The following LRRC27 variants were observed in gnomAD, a reference collection of about 807,000 sequenced individuals.
LRRC27 encodes leucine-rich repeat-containing protein 27.
A neutral mutation model predicts 55.0 loss-of-function variants in LRRC27; 57 were observed. The ratio of observed to expected loss-of-function variants is 1.04; its 90% CI spans 0.84 to 1.29. LRRC27 has a LOEUF of 1.29. LRRC27 is among the 50% of genes most tolerant of loss of function. The probability of loss-of-function intolerance (pLI) is 0.00; values close to 1 mark genes in which losing one functional copy is unlikely to be tolerated. For missense variants in LRRC27, 721 were observed against 651.5 expected, an observed-to-expected ratio of 1.11 and a Z score of -1.16; for synonymous variants, 278 against 251.9, an observed-to-expected ratio of 1.10 and a Z score of -0.98.
intron 7 of LRRC27, among the ~76,000 whole-genome samples, chr10:132,355,064 G>C (rs72863805): frequency 6.6e-6 from 1 of 152,156 alleles, no homozygotes; most frequent in Non-Finnish European, 1.5e-5. Context: ...GCCCGAAGAC[G>C]CCTGTTCTTG....
At chr10:132,373,519 G>C (rs2069264922) in intron 10 of LRRC27, among the ~76,000 whole-genome samples, 1 of 152,176 alleles carries the variant, frequency 6.6e-6, no homozygotes, top group African/African-American at 2.4e-5. Flanking sequence ...CGCGGTGATG[G>C]CACTGCCCTC....
rs972515601 is a variant in LRRC27 at position 132,376,788 on chromosome 10, T to C, written c.*1546T>C. On this transcript the variant is annotated 3_prime_UTR_variant, in exon 11 of 11. Coordinates refer to ENST00000368614, the MANE Select transcript of LRRC27 (RefSeq NM_030626.3). ...ATTGTTTTGTGTGTGTCAGGTGACA[T>C]TGACTAATCCTGTTGCTCAGAGCTC... is the stretch of plus-strand genomic sequence containing the variant. The C allele has an allele frequency of 5.3e-5, 8 of 152,316 alleles. No individual in the cohort carries two copies. The highest frequency in any genetic ancestry group is 1.9e-4 in the African/African-American group (8 of 41,472). The allele number at this position is 152,316 out of a possible 1,614,324, so 9.4% of individuals were successfully genotyped here.
intron 7 of LRRC27, chr10:132,352,948 T>C: frequency 6.2e-7 from 1 of 1,613,922 alleles, no homozygotes; most frequent in Non-Finnish European, 8.5e-7. Flanking sequence ...GGTTCATTCT[T>C]GTGTTGCTGT....
intron 9 of LRRC27, among the ~76,000 whole-genome samples, chr10:132,364,461 C>CATCTACCTCCA (rs1564853473): frequency 1.5e-5 from 1 of 67,222 alleles, no homozygotes; most frequent in African/African-American, 5.9e-5. Flanking sequence ...ACACTCACAC[C>CATCTACCTCCA]CACCCACACT....
Position 132,364,384 on chromosome 10 carries a change from T to C in LRRC27, c.1290-1040T>C, listed in dbSNP as rs201248917. Reference sequence around the variant, plus strand: ...ACCCGCGCTTACACCCACCCACACTTACACCCACCCTTACATCTACCTCCA... The same window carrying C: ...ACCCGCGCTTACACCCACCCACACTCACACCCACCCTTACATCTACCTCCA... On this transcript the variant is annotated intron_variant, in intron 9 of 10. Transcript: ENST00000368614. 9.2e-4 allele frequency among the ~76,000 whole-genome samples: 74 copies of C among 80,584 alleles called. 5 individuals carry two copies. The highest frequency in any genetic ancestry group is 4.4e-3 in the South Asian group (8 of 1,828). 52.9% of individuals were successfully genotyped at this position (80,584 alleles called of 152,430 possible).
chr10:132,348,358 T>G lies in LRRC27; in HGVS notation c.926+2T>G, dbSNP rs1387802318. 3.1e-6 allele frequency: 5 copies of G among 1,602,538 alleles called. No individual in the cohort carries two copies. The highest frequency in any genetic ancestry group is 3.4e-6 in the Non-Finnish European group (4 of 1,172,876). ...ACCAAAGCCAAGACACGTTTTCAGG[T>G]AAAACTGAAAAGCAACGGGGGATTT... On this transcript the variant is annotated splice_donor_variant, in intron 6 of 10. Coordinates refer to ENST00000368614, the MANE Select transcript of LRRC27 (RefSeq NM_030626.3). LOFTEE classifies it high-confidence loss of function. This position sits in a 1 kb window ranked among gnomAD's most constrained non-coding sequence, Gnocchi z 4.2.
At chr10:132,339,730 A>C (rs2138646983) in intron 3 of LRRC27, among the ~76,000 whole-genome samples, 1 of 152,316 alleles carries the variant, frequency 6.6e-6, no homozygotes, top group South Asian at 2.1e-4. Context: ...TCTTTTGTCC[A>C]CAAATTGTTT....
At position 132,367,549 on chromosome 10, in the gene LRRC27, A is replaced by G. The variant is rs554153032; in HGVS notation, c.1416+1999A>G. Reference sequence around the variant, plus strand: ...ATGTGTAAAAGCAATCACACACCCTAATTCAACGTTCAAAAATCAGCCAAT... The same window carrying G: ...ATGTGTAAAAGCAATCACACACCCTGATTCAACGTTCAAAAATCAGCCAAT... On this transcript the variant is annotated intron_variant, in intron 10 of 10. Transcript: ENST00000368614. Among the ~76,000 whole-genome samples, 13 of 152,374 alleles carry G rather than the reference A, an allele frequency of 8.5e-5. No homozygotes were observed. The South Asian group carries it at 2.7e-3, about 32-fold the overall frequency.
intron 7 of LRRC27, chr10:132,353,006 T>C (rs2068135556): frequency 2.5e-6 from 4 of 1,608,018 alleles, no homozygotes; most frequent in Non-Finnish European, 3.4e-6. Context: ...GCCGATGGAC[T>C]CGGTGTCCTC....
At chr10:132,364,478 C>T (rs1166352583) in intron 9 of LRRC27, among the ~76,000 whole-genome samples, 7 of 105,510 alleles carry the variant, frequency 6.6e-5, no homozygotes, top group Middle Eastern at 6.9e-3. Flanking sequence ...CACTTACACC[C>T]ACCCACACTT....
chr10:132,330,501 T>C (rs7085852), upstream of LRRC27: 137,087 of 712,310 alleles, frequency 0.19, 14,715 homozygotes, highest in East Asian at 0.37. Flanking sequence ...TGGTAGATAG[T>C]TGGGTATGTA....
chr10:132,338,713 T>A (rs939340558), intron 3 of LRRC27, among the ~76,000 whole-genome samples: 8 of 148,866 alleles, frequency 5.4e-5, no homozygotes, highest in South Asian at 2.1e-4. Flanking sequence ...TTTCTTTCTT[T>A]TTTTTTTTTT....
rs1349339418 is a variant in LRRC27 at position 132,380,361 on chromosome 10, G to T, written c.*5119G>T. ...AATTAACTGCAGTCCACAGTGTGCTGCTGGAATAATTACAAAGCCACCTCC... is the reference window on the plus strand; with the variant it reads ...AATTAACTGCAGTCCACAGTGTGCTTCTGGAATAATTACAAAGCCACCTCC... On this transcript the variant is annotated 3_prime_UTR_variant, in exon 11 of 11. Coordinates refer to ENST00000368614, the MANE Select transcript of LRRC27 (RefSeq NM_030626.3). Among the ~76,000 whole-genome samples, 1 of 152,068 alleles carries T rather than the reference G, an allele frequency of 6.6e-6. No homozygotes were observed. The highest frequency in any genetic ancestry group is 1.5e-5 in the Non-Finnish European group (1 of 68,044).
upstream of LRRC27, chr10:132,330,341 T>C (rs1590537970): frequency 1.5e-6 from 1 of 666,146 alleles, no homozygotes; most frequent in East Asian, 2.8e-5. Flanking sequence ...TGCTGAAACT[T>C]GTTAGAAATA....
At chr10:132,363,438 G>A (rs2068742232) in intron 9 of LRRC27, among the ~76,000 whole-genome samples, 2 of 152,166 alleles carry the variant, frequency 1.3e-5, no homozygotes, top group Admixed American at 6.5e-5. Flanking sequence ...AGGCTGACAC[G>A]GAGCCTCAGT....
upstream of LRRC27, chr10:132,331,832 G>T (rs12784321): frequency 0.37 from 567,000 of 1,516,506 alleles, 108,271 homozygotes; most frequent in Middle Eastern, 0.39. Context: ...TCAAGGCCGC[G>T]GGCGCGGAAA....
intron 5 of LRRC27, among the ~76,000 whole-genome samples, chr10:132,345,021 AC>A (rs1225509513): frequency 6.6e-6 from 1 of 152,242 alleles, no homozygotes. Flanking sequence ...CTTATTCCTA[AC>A]GAGGTACAAG....
intron 3 of LRRC27, among the ~76,000 whole-genome samples, chr10:132,339,081 A>G (rs947586327): frequency 6.6e-6 from 1 of 152,154 alleles, no homozygotes; most frequent in Non-Finnish European, 1.5e-5. Flanking sequence ...CAGCCCATGC[A>G]GGAGGGGCAG....
At chr10:132,335,578 G>C (rs973793899) in intron 2 of LRRC27, among the ~76,000 whole-genome samples, 2 of 146,274 alleles carry the variant, frequency 1.4e-5, no homozygotes, top group South Asian at 2.2e-4. Context: ...AGTACTATGG[G>C]GGGGGTCACA....
Sources: allele counts gnomAD v4.1 joint callset (sites outside exome capture counted in the v4.1 genomes callset), GRCh38; gene constraint gnomAD v4.1.1; non-coding constraint Gnocchi (gnomAD v3.1); transcripts MANE v1.5; gene names NCBI Gene and HGNC (gene_info 2026-07-23, HGNC 2026-07-21).